AUTS2: variants seen among roughly 807,000 people sequenced by gnomAD.
The protein encoded by AUTS2 is autism susceptibility gene 2 protein.
AUTS2 carries 17 observed loss-of-function variants against 112.4 expected under a neutral mutation model. That is an observed-to-expected ratio of 0.15 (90% CI 0.10 to 0.23). AUTS2 has a LOEUF of 0.23. Ranked by LOEUF, AUTS2 falls within the 10% of genes least tolerant of loss-of-function variation. The pLI is 1.00. For synonymous variants in AUTS2, 751 were observed against 702.7 expected (o/e 1.07, Z -1.09); for missense variants, 1,510 against 1,701.6 (o/e 0.89, Z 1.98).
chr7:69,965,688 A>G (rs550464552), intron 2 of AUTS2, among the ~76,000 whole-genome samples: 3 of 152,306 alleles, frequency 2.0e-5, no homozygotes, highest in African/African-American at 7.2e-5. Context: ...AGGGGCCAGT[A>G]GGAACAGAGC....
chr7:70,703,123 C>T (rs982929305), intron 6 of AUTS2, among the ~76,000 whole-genome samples: 1 of 152,162 alleles, frequency 6.6e-6, no homozygotes, highest in African/African-American at 2.4e-5. Flanking sequence ...TAGGTTTAGA[C>T]ACAAGGGATT....
chr7:69,977,449 G>A (rs1798106632), intron 2 of AUTS2, among the ~76,000 whole-genome samples: 1 of 152,164 alleles, frequency 6.6e-6, no homozygotes, highest in South Asian at 2.1e-4. Flanking sequence ...TGAATTTTAG[G>A]ATGCATTTTT....
At chr7:69,666,217 T>C (rs991942774) in intron 1 of AUTS2, among the ~76,000 whole-genome samples, 4 of 152,182 alleles carry the variant, frequency 2.6e-5, no homozygotes, top group Non-Finnish European at 4.4e-5. Context: ...CTCTAAGAAT[T>C]TGGAGCGAGG....
chr7:69,807,269 C>T (rs1453354252), intron 1 of AUTS2, among the ~76,000 whole-genome samples: 1 of 151,946 alleles, frequency 6.6e-6, no homozygotes, highest in Admixed American at 6.6e-5. Context: ...TCACCAAGAT[C>T]CAGATTTGTT....
At chr7:69,787,452 C>T (rs761741500) in intron 1 of AUTS2, among the ~76,000 whole-genome samples, 7 of 152,146 alleles carry the variant, frequency 4.6e-5, no homozygotes, top group African/African-American at 9.7e-5. Context: ...GTTGGCGAGA[C>T]GAGTAGAGCA....
At chr7:70,233,918 TTCC>T (rs1313947036) in intron 4 of AUTS2, among the ~76,000 whole-genome samples, 1 of 152,246 alleles carries the variant, frequency 6.6e-6, no homozygotes, top group African/African-American at 2.4e-5. Context: ...AATTTCACCT[TTCC>T]TGATTGTCAT....
chr7:70,638,912 T>C (rs1805663749), intron 5 of AUTS2, among the ~76,000 whole-genome samples: 1 of 152,150 alleles, frequency 6.6e-6, no homozygotes, highest in Non-Finnish European at 1.5e-5. Context: ...GCATAACACA[T>C]CTGAGCTCTC....
chr7:70,063,526 A>T (rs1802352427), intron 2 of AUTS2, among the ~76,000 whole-genome samples: 1 of 152,250 alleles, frequency 6.6e-6, no homozygotes, highest in South Asian at 2.1e-4. Flanking sequence ...TCACTGGTAA[A>T]CCAGAGATCA....
intron 5 of AUTS2, among the ~76,000 whole-genome samples, chr7:70,572,726 A>G (rs1695900260): frequency 6.6e-6 from 1 of 152,126 alleles, no homozygotes; most frequent in Non-Finnish European, 1.5e-5. Flanking sequence ...TAAAGGTCAG[A>G]ATCGGTGCCA....
intron 1 of AUTS2, among the ~76,000 whole-genome samples, chr7:69,777,038 A>G (rs1205099365): frequency 2.0e-5 from 3 of 152,176 alleles, no homozygotes; most frequent in East Asian, 3.9e-4. Context: ...CTCTTTCCCT[A>G]ACCCACTACC....
Position 70,127,933 on chromosome 7 carries a change from T to TCTCC in AUTS2, c.625-6587_625-6584dup, listed in dbSNP as rs1554319126. On this transcript the variant is annotated intron_variant, in intron 3 of 18. Transcript: ENST00000342771. Reference sequence around the variant, plus strand: ...TCTTTCTTTCTTCCTCCCTTCCTTCTCTCCCTCCCTCCCTCCCTCTCTTGA... The same window carrying TCTCC: ...TCTTTCTTTCTTCCTCCCTTCCTTCTCTCCCTCCCTCCCTCCCTCCCTCTCTTGA... Among the ~76,000 whole-genome samples the TCTCC allele has an allele frequency of 3.3e-5, 5 of 151,962 alleles. No individual in the cohort carries two copies. The South Asian group carries it at 8.3e-4, about 25-fold the overall frequency.
rs112405111 is a variant in AUTS2, at chr7:69,666,984, G to T, written c.309+67022G>T. ...CTCAGTCCATTTTCTACTGAAAATG[G>T]GTAATATATAAAGAAAAGGAATTTA... On this transcript the variant is annotated intron_variant, in intron 1 of 18. Coordinates refer to ENST00000342771, the MANE Select transcript of AUTS2 (RefSeq NM_015570.4). 3.7e-4 allele frequency among the ~76,000 whole-genome samples: 57 copies of T among 152,204 alleles called. 2 individuals are homozygous for T. The highest frequency in any genetic ancestry group is 1.3e-3 in the African/African-American group (53 of 41,546).
chr7:69,680,330 T>G (rs748225239), intron 1 of AUTS2, among the ~76,000 whole-genome samples: 3 of 152,242 alleles, frequency 2.0e-5, no homozygotes, highest in Non-Finnish European at 4.4e-5. Flanking sequence ...TCTGATTCAA[T>G]TACTTGCATG....
intron 1 of AUTS2, among the ~76,000 whole-genome samples, chr7:69,801,988 G>A (rs1023861352): frequency 6.6e-6 from 1 of 152,150 alleles, no homozygotes; most frequent in African/African-American, 2.4e-5. Context: ...TACCTAAAAG[G>A]GGGTGAGGAA....
intron 5 of AUTS2, among the ~76,000 whole-genome samples, chr7:70,468,891 G>T (rs978436745): frequency 6.6e-6 from 1 of 151,996 alleles, no homozygotes; most frequent in East Asian, 1.9e-4. Flanking sequence ...TTGTGGATTC[G>T]GTGGGAAACT....
intron 5 of AUTS2, among the ~76,000 whole-genome samples, chr7:70,547,698 G>GTT (rs1800846160): frequency 1.3e-5 from 2 of 152,110 alleles, no homozygotes; most frequent in Non-Finnish European, 2.9e-5. Flanking sequence ...TTGTTTATCT[G>GTT]TTCATCAGCT....
chr7:69,662,904 C>A (rs562139688), intron 1 of AUTS2, among the ~76,000 whole-genome samples: 1 of 152,258 alleles, frequency 6.6e-6, no homozygotes, highest in East Asian at 1.9e-4. Context: ...TATTTGTGAT[C>A]ATTTAGCCAG....
chr7:70,467,871 G>A (rs1384084178), intron 5 of AUTS2, among the ~76,000 whole-genome samples: 1 of 152,192 alleles, frequency 6.6e-6, no homozygotes, highest in African/African-American at 2.4e-5. Flanking sequence ...CTCTCCTAGA[G>A]GTTGGAGGAA....
intron 1 of AUTS2, among the ~76,000 whole-genome samples, chr7:69,772,064 C>G (rs1465769165): frequency 6.6e-6 from 1 of 152,120 alleles, no homozygotes; most frequent in Non-Finnish European, 1.5e-5. Context: ...GGAGTATAGG[C>G]ATGAGCCACC....
Sources: gnomAD v4.1 joint callset for allele counts (sites outside exome capture counted in the v4.1 genomes callset) on GRCh38, gnomAD v4.1.1 for gene constraint, MANE v1.5 for transcripts, NCBI Gene and HGNC (gene_info 2026-07-23, HGNC 2026-07-21) for gene names.